The following PLA2G6 variants were observed in gnomAD, a reference collection of about 807,000 sequenced individuals.
PLA2G6 encodes 85/88 kDa calcium-independent phospholipase A2.
In PLA2G6, 62 loss-of-function variants were observed where a neutral mutation model predicts 83.8. That is an observed-to-expected ratio of 0.74 (90% CI 0.60 to 0.91). The LOEUF (loss-of-function observed/expected upper bound fraction) is 0.91, where lower values mean the gene tolerates loss of function less well. PLA2G6 is among the 40% of genes least tolerant of loss of function. PLA2G6 has a pLI of 0.00. For missense variants in PLA2G6, 944 were observed against 1,102.0 expected (o/e 0.86, Z 2.03); for synonymous variants, 417 against 449.8 (o/e 0.93, Z 0.92).
rs1478708555 is a variant in PLA2G6, at chr22:38,128,525, T to C, written c.1187-95A>G. 2.2e-6 allele frequency: 3 copies of C among 1,354,492 alleles called. No individual in the cohort carries two copies. In the African/African-American group the frequency reaches 4.3e-5, roughly 20 times the overall value. 83.9% of individuals were successfully genotyped at this position (1,354,492 alleles called of 1,614,324 possible). On this transcript the variant is annotated intron_variant, in intron 8 of 16. Transcript: ENST00000332509. The surrounding 1 kb of genome is among the most constrained non-coding windows in gnomAD (Gnocchi z 4.4). The stretch of plus-strand genomic sequence containing the variant: ...CCTCCTTTCCACACTCCGTCCCCTG[T>C]CCCAGCTCCCAGGCCCTGGGCACGT...
chr22:38,143,104 C>A lies in PLA2G6; in HGVS notation c.609+1G>T. On this transcript the variant is annotated splice_donor_variant, in intron 4 of 16. Transcript: ENST00000332509. LOFTEE classifies it high-confidence loss of function. ...GTCACCCTGCCCCTCCCCCTGCTCA[C>A]CTGCAGCACCTGAGAATTGTCACCC... 1.9e-6 allele frequency: 3 copies of A among 1,614,104 alleles called. No individual in the cohort carries two copies. The highest frequency in any genetic ancestry group is 2.5e-6 in the Non-Finnish European group (3 of 1,179,936).
intron 2 of PLA2G6, among the ~76,000 whole-genome samples, chr22:38,156,000 T>C (rs1040135972): frequency 3.9e-5 from 6 of 152,058 alleles, no homozygotes; most frequent in Admixed American, 6.6e-5. Context: ...TCCATGCAAA[T>C]GGAAACCAAA....
chr22:38,161,619 T>C (rs2090015118), intron 2 of PLA2G6, among the ~76,000 whole-genome samples: 1 of 152,072 alleles, frequency 6.6e-6, no homozygotes, highest in South Asian at 2.1e-4. Flanking sequence ...ATGATGGCCT[T>C]GAATGGGGGG....
intron 3 of PLA2G6, chr22:38,144,821 A>G (rs1423297279): frequency 2.4e-5 from 4 of 170,036 alleles, no homozygotes; most frequent in African/African-American, 5.5e-5. Context: ...ATAAAATAAC[A>G]TAACGTAACA....
In PLA2G6 at chr22:38,166,256, C is replaced by T. The variant is rs115851986; in HGVS notation, c.209+2962G>A. Among the ~76,000 whole-genome samples, 687 of 152,248 alleles carry T rather than the reference C, an allele frequency of 4.5e-3. 8 individuals are homozygous for T. Among genetic ancestry groups the T allele is most frequent in the African/African-American group, 0.015 (628 of 41,542 alleles). ...GGGGAGATTGACCTTCTGCATCCTGCCCTTCCACCCTCCCTTTGGCTGGAA... is the reference window on the plus strand; with the variant it reads ...GGGGAGATTGACCTTCTGCATCCTGTCCTTCCACCCTCCCTTTGGCTGGAA... On this transcript the variant is annotated intron_variant, in intron 2 of 16. Transcript: ENST00000332509.
chr22:38,119,814 A>C (rs1166029824), intron 12 of PLA2G6, among the ~76,000 whole-genome samples: 1 of 152,172 alleles, frequency 6.6e-6, no homozygotes, highest in African/African-American at 2.4e-5. Context: ...CCCTGTTTCA[A>C]AAAAAAGAAA....
At chr22:38,165,655 C>T (rs1262179995) in intron 2 of PLA2G6, among the ~76,000 whole-genome samples, 1 of 152,136 alleles carries the variant, frequency 6.6e-6, no homozygotes, top group East Asian at 1.9e-4. Context: ...GGGCAGATCA[C>T]AAGGTCAGGA....
At chr22:38,137,144 G>A (rs2088605388) in intron 5 of PLA2G6, 1 of 152,346 alleles carries the variant, frequency 6.6e-6, no homozygotes, top group Non-Finnish European at 1.5e-5. Context: ...TTCAGCTGCT[G>A]TTCTCTATTA....
intron 2 of PLA2G6, among the ~76,000 whole-genome samples, chr22:38,159,759 A>AGGAAGGAAGGAAGGAAGGAAGGAAG (rs759544613): frequency 4.0e-5 from 6 of 150,260 alleles, no homozygotes; most frequent in Admixed American, 2.0e-4. Context: ...GAAGGAAGGA[A>AGGAAGGAAGGAAGGAAGGAAGGAAG]GGAGATCTTC....
rs113285150 is a variant in PLA2G6 at position 38,116,360 on chromosome 22, G to A, written c.1743-149C>T. The A allele has an allele frequency of 2.7e-4, 223 of 840,892 alleles. 1 individual carries two copies. In the African/African-American group the frequency reaches 3.1e-3, roughly 12 times the overall value. 52.1% of individuals were successfully genotyped at this position (840,892 alleles called of 1,614,324 possible). ...GTGGGCTTCTCCCCGCACCATCCCC[G>A]CAAAACAGGCTCTCTCCGGCAGTGC... On this transcript the variant is annotated intron_variant, in intron 12 of 16. Transcript: ENST00000332509.
At chr22:38,159,223 TA>T (rs2089912345) in intron 2 of PLA2G6, among the ~76,000 whole-genome samples, 2 of 151,864 alleles carry the variant, frequency 1.3e-5, no homozygotes, top group South Asian at 4.2e-4. Flanking sequence ...CTCCATACAT[TA>T]AAAAGGAAAT....
At chr22:38,127,272 A>G in intron 9 of PLA2G6, 2 of 1,237,580 alleles carry the variant, frequency 1.6e-6, no homozygotes, top group Non-Finnish European at 2.1e-6. Flanking sequence ...AGAGTGGCTG[A>G]GAGAGGCCGG....
intron 4 of PLA2G6, 63 bp downstream of exon 4, chr22:38,143,042 C>T: frequency 6.6e-7 from 1 of 1,522,690 alleles, no homozygotes; most frequent in East Asian, 2.3e-5. Flanking sequence ...CCTAGGGGCC[C>T]AAAGGGAACC....
intron 11 of PLA2G6, among the ~76,000 whole-genome samples, chr22:38,121,955 T>C (rs902882246): frequency 5.3e-5 from 8 of 152,112 alleles, no homozygotes; most frequent in African/African-American, 1.9e-4. Flanking sequence ...AGTTTCCCCA[T>C]CTGCTCACCC....
At chr22:38,176,357 A>G (rs2090631019) in intron 1 of PLA2G6, among the ~76,000 whole-genome samples, 1 of 152,196 alleles carries the variant, frequency 6.6e-6, no homozygotes, top group Non-Finnish European at 1.5e-5. Flanking sequence ...GCCAGGAAGC[A>G]GACCTCACAG....
rs1394402504 is a variant in PLA2G6 at position 38,112,247 on chromosome 22, C to A, written c.2335G>T (p.Val779Phe). The change falls in exon 17 of 17, where the codon GTC becomes TTC. Residue 779 changes from valine (V) to phenylalanine (F), a missense_variant. By Grantham distance (50) the Val-to-Phe change is conservative. Coordinates refer to ENST00000332509, the MANE Select transcript of PLA2G6 (RefSeq NM_003560.4). ...ACCTCGGTCTCCCAGAGGGCGTTGACCAGCACTGTGTCACTGACCTCATCC... is the reference window on the plus strand; with the variant it reads ...ACCTCGGTCTCCCAGAGGGCGTTGAACAGCACTGTGTCACTGACCTCATCC... The part of the protein sequence containing the change: ...MLDEVSDTVL[V>F]NALWETEVYI... 1 of 1,613,118 alleles carries A rather than the reference C, an allele frequency of 6.2e-7. No individual in the cohort carries two copies. Among genetic ancestry groups the A allele is most frequent in the Admixed American group, 1.7e-5 (1 of 59,906 alleles).
intron 2 of PLA2G6, among the ~76,000 whole-genome samples, chr22:38,158,637 T>C (rs1304392919): frequency 1.3e-5 from 2 of 152,234 alleles, no homozygotes; most frequent in Non-Finnish European, 2.9e-5. Flanking sequence ...CTAAATCTCT[T>C]CAGGTATCTG....
In PLA2G6 at chr22:38,116,175, C is replaced by T. The variant is rs746984683; in HGVS notation, c.1779G>A (p.Pro593=). The stretch of plus-strand genomic sequence containing the variant: ...AGTTCCGGAAGAGGTGGAGTTCAGC[C>T]GGCTGCCGGTCAGACAGTGTCCCTG... ...MLTGTLSDRQ[P]AELHLFRNYD... The change falls in exon 13 of 17, where the codon CCG becomes CCA. Residue 593 remains proline, a synonymous_variant. Transcript: ENST00000332509. 3.3e-5 allele frequency: 53 copies of T among 1,613,786 alleles called. No individual in the cohort carries two copies. The Middle Eastern group carries it at 9.9e-4, about 30-fold the overall frequency.
chr22:38,163,500 T>G (rs903318865), intron 2 of PLA2G6: 1 of 169,448 alleles, frequency 5.9e-6, no homozygotes, highest in Admixed American at 6.5e-5. Context: ...TCAGGAGCCC[T>G]GCAGTCTGGA....
Sources: gnomAD v4.1 joint callset for allele counts (sites outside exome capture counted in the v4.1 genomes callset) on GRCh38, gnomAD v4.1.1 for gene constraint, Gnocchi (gnomAD v3.1) non-coding constraint, MANE v1.5 for transcripts, NCBI Gene and HGNC (gene_info 2026-07-23, HGNC 2026-07-21) for gene names.